Variants in LSM7 observed in about 807,000 individuals in gnomAD.
LSM7 encodes the protein U6 snRNA-associated Sm-like protein LSm7.
Under a neutral mutation model 14.1 loss-of-function variants are expected in LSM7, and 13 were observed. The observed-to-expected ratio is 0.92, with a 90% CI of 0.60 to 1.47. LSM7 has a LOEUF of 1.47. LSM7 is among the 40% of genes most tolerant of loss of function. LSM7 has a pLI of 0.00. For synonymous variants in LSM7, 70 were observed against 57.1 expected, an observed-to-expected ratio of 1.23 and a Z score of -1.02; for missense variants, 108 against 140.8, an observed-to-expected ratio of 0.77 and a Z score of 1.18.
chr19:2,323,973 TAAC>T (rs1321716031), intron 3 of LSM7, among the ~76,000 whole-genome samples, 149 bp downstream of exon 3: 1 of 152,084 alleles, frequency 6.6e-6, no homozygotes, highest in East Asian at 1.9e-4. Flanking sequence ...TTCACGTTGG[TAAC>T]TCAGAGGTTT....
intron 3 of LSM7, among the ~76,000 whole-genome samples, chr19:2,322,490 G>A (rs1057417331): frequency 9.2e-5 from 14 of 152,138 alleles, no homozygotes; most frequent in Non-Finnish European, 1.9e-4. Flanking sequence ...GCAGTGAGCC[G>A]AGATCGCGCC....
chr19:2,322,962 C>A (rs1203371377), intron 3 of LSM7, among the ~76,000 whole-genome samples: 4 of 151,798 alleles, frequency 2.6e-5, no homozygotes, highest in Admixed American at 2.6e-4. Flanking sequence ...GAGTGATCCT[C>A]CTGTCTTGGC....
Position 2,328,439 on chromosome 19 carries a change from C to A in LSM7, c.45G>T (p.Leu15Phe). ...EKKKKESILD[L>F]SKYIDKTIRV... ...GGATCGTCTTGTCGATGTACTTGGA[C>A]AAGTCCAAGATGCTCTCCTTTTTCT... is the stretch of plus-strand genomic sequence containing the variant. The change falls in exon 2 of 4, where the codon TTG (leucine) becomes TTT (phenylalanine). Residue 15 changes from leucine to phenylalanine, a missense_variant. Physicochemically the swap from Leu to Phe is conservative, Grantham distance 22 (BLOSUM62 0). Coordinates refer to ENST00000252622, the MANE Select transcript of LSM7 (RefSeq NM_016199.3). 4 of 1,613,982 alleles carry A rather than the reference C, an allele frequency of 2.5e-6. No individual in the cohort carries two copies. The highest frequency in any genetic ancestry group is 3.4e-6 in the Non-Finnish European group (4 of 1,179,874).
intron 3 of LSM7, among the ~76,000 whole-genome samples, chr19:2,322,884 AT>A (rs531109884): frequency 1.3e-3 from 182 of 143,698 alleles, no homozygotes; most frequent in Admixed American, 1.1e-3. Context: ...GGCTAATTAC[AT>A]TTTTTTTTTT....
At chr19:2,326,976 T>C (rs1039783316) in intron 2 of LSM7, among the ~76,000 whole-genome samples, 1 of 152,076 alleles carries the variant, frequency 6.6e-6, no homozygotes, top group Non-Finnish European at 1.5e-5. Context: ...CTGAGCTCTG[T>C]CAATAACCAG....
chr19:2,324,117 C>G lies in LSM7; in HGVS notation c.169+8G>C. 1.9e-6 allele frequency: 3 copies of G among 1,561,324 alleles called. No individual in the cohort carries two copies. Among genetic ancestry groups the G allele is most frequent in the Non-Finnish European group, 2.6e-6 (3 of 1,153,546 alleles). On this transcript the variant is annotated splice_region_variant and intron_variant, in intron 3 of 3. Transcript: ENST00000252622. Reference sequence around the variant, plus strand: ...CCCGCTGCCTGCCTCGGCCGCCACCCCACTCACCTCGCATGTACTCAATGG... The same window carrying G: ...CCCGCTGCCTGCCTCGGCCGCCACCGCACTCACCTCGCATGTACTCAATGG...
chr19:2,326,438 C>T (rs1968020028), intron 2 of LSM7, among the ~76,000 whole-genome samples: 1 of 152,006 alleles, frequency 6.6e-6, no homozygotes, highest in African/African-American at 2.4e-5. Context: ...GCCTCCAGGG[C>T]GATTCTCCTG....
chr19:2,322,797 A>G (rs1037452896), intron 3 of LSM7, among the ~76,000 whole-genome samples: 1 of 151,870 alleles, frequency 6.6e-6, no homozygotes, highest in Non-Finnish European at 1.5e-5. Context: ...CACAGCCTCA[A>G]CCTCCTGGGC....
Position 2,323,531 on chromosome 19 carries a change from A to G in LSM7, c.169+594T>C, listed in dbSNP as rs529280327. Among the ~76,000 whole-genome samples, 4 of 152,018 alleles carry G rather than the reference A, an allele frequency of 2.6e-5. No individual in the cohort carries two copies. In the East Asian group the frequency reaches 5.9e-4, roughly 22 times the overall value. On this transcript the variant is annotated intron_variant, in intron 3 of 3. Transcript: ENST00000252622. ...AGTTGCACCATCTCGGCTCACTGCA[A>G]CCTCCGCCTCCCAGGTTCAAGCGAT...
intron 3 of LSM7, among the ~76,000 whole-genome samples, chr19:2,322,099 C>T (rs1599177590): frequency 6.6e-6 from 1 of 152,226 alleles, no homozygotes; most frequent in African/African-American, 2.4e-5. Context: ...TGATAGCCGG[C>T]TACCCCGCGT....
chr19:2,322,891 T>A (rs896382503), intron 3 of LSM7, among the ~76,000 whole-genome samples: 1 of 151,792 alleles, frequency 6.6e-6, no homozygotes, highest in Admixed American at 6.6e-5. Flanking sequence ...TACATTTTTT[T>A]TTTTTTTGTA....
intron 2 of LSM7, 88 bp from the exon 3 acceptor site, chr19:2,324,284 G>A: frequency 1.9e-6 from 2 of 1,032,244 alleles, no homozygotes; most frequent in Non-Finnish European, 3.0e-6. Flanking sequence ...CAGGTATGGG[G>A]CTAACTGCTC....
chr19:2,326,860 A>G (rs1460153691), intron 2 of LSM7, among the ~76,000 whole-genome samples: 1 of 152,212 alleles, frequency 6.6e-6, no homozygotes. Context: ...GTAGGGGCAG[A>G]CCACCACGGT....
intron 2 of LSM7, chr19:2,324,500 G>A: frequency 2.2e-6 from 1 of 446,992 alleles, no homozygotes; most frequent in Non-Finnish European, 4.1e-6. Flanking sequence ...GAGTCCATGT[G>A]TGGCTGAACT....
chr19:2,322,540 C>CA (rs2145120579), intron 3 of LSM7, among the ~76,000 whole-genome samples: 1 of 151,924 alleles, frequency 6.6e-6, no homozygotes, highest in South Asian at 2.1e-4. Flanking sequence ...GATTCCATCT[C>CA]AAAAAATAAA....
intron 2 of LSM7, chr19:2,326,216 C>T (rs2270048): frequency 0.19 from 28,439 of 152,118 alleles, 2,766 homozygotes; most frequent in East Asian, 0.22. Context: ...AATTAGAGCC[C>T]CTGAATCAGC....
Position 2,328,164 on chromosome 19 carries a change from G to A in LSM7, c.97+223C>T, listed in dbSNP as rs566966881. The A allele has an allele frequency of 7.7e-6, 4 of 522,654 alleles. No homozygotes were observed. In the Admixed American group the frequency reaches 1.4e-4, roughly 18 times the overall value. The allele number at this position is 522,654 out of a possible 1,614,324, so 32.4% of individuals were successfully genotyped here. A position where few individuals can be genotyped will look rare whatever the true frequency, so the allele number is the denominator to read the frequency against. On this transcript the variant is annotated intron_variant, in intron 2 of 3. Coordinates refer to ENST00000252622, the MANE Select transcript of LSM7 (RefSeq NM_016199.3). ...GGTACACATTAATTCCAGCTACTCG[G>A]GAGGCTGAGGCACAAGAATCACTTG... is the stretch of plus-strand genomic sequence containing the variant.
chr19:2,327,273 T>C, intron 2 of LSM7, among the ~76,000 whole-genome samples: 1 of 152,336 alleles, frequency 6.6e-6, no homozygotes, highest in South Asian at 2.1e-4. Flanking sequence ...TTTTTCTTTT[T>C]GTTTTGAGAC....
intron 2 of LSM7, among the ~76,000 whole-genome samples, chr19:2,325,290 C>T (rs1967997178): frequency 1.3e-5 from 2 of 152,058 alleles, no homozygotes; most frequent in South Asian, 4.1e-4. Flanking sequence ...AGAGGCCAGC[C>T]CACCCTCTCT....
Sources: allele counts gnomAD v4.1 joint callset (sites outside exome capture counted in the v4.1 genomes callset), GRCh38; gene constraint gnomAD v4.1.1; transcripts MANE v1.5; gene names NCBI Gene and HGNC (gene_info 2026-07-23, HGNC 2026-07-21).